Variants in TMEM132C observed in about 807,000 individuals in gnomAD.
TMEM132C encodes the protein protein phosphatase 1, regulatory subunit 152.
Under a neutral mutation model 61.4 loss-of-function variants are expected in TMEM132C, and 29 were observed. The ratio of observed to expected loss-of-function variants is 0.47; its 90% CI spans 0.35 to 0.64. The LOEUF is 0.64. TMEM132C is among the 30% of genes least tolerant of loss of function. TMEM132C has a pLI of 0.00. For synonymous variants in TMEM132C, 656 were observed against 633.1 expected (o/e 1.04, Z -0.54); for missense variants, 1,408 against 1,476.9 (o/e 0.95, Z 0.76).
At chr12:128,546,484 C>A (rs1290568443) in intron 3 of TMEM132C, among the ~76,000 whole-genome samples, 1 of 152,024 alleles carries the variant, frequency 6.6e-6, no homozygotes, top group Non-Finnish European at 1.5e-5. Flanking sequence ...CCTGTTTGTT[C>A]TGAGCTTCCA....
intron 1 of TMEM132C, among the ~76,000 whole-genome samples, chr12:128,410,058 C>T (rs538284427): frequency 3.3e-5 from 5 of 152,058 alleles, no homozygotes; most frequent in African/African-American, 1.2e-4. Context: ...TATCTTATTA[C>T]TATTTTTTCC....
At position 128,559,714 on chromosome 12, in the gene TMEM132C, C is replaced by G. The variant is rs191800720; in HGVS notation, c.1121+15611C>G. Among the ~76,000 whole-genome samples the G allele has an allele frequency of 2.2e-3, 329 of 152,286 alleles. 1 individual carries two copies. The highest frequency in any genetic ancestry group is 7.6e-3 in the African/African-American group (317 of 41,544). ...GATTTTTAGGATTTTGTGCCAGAGC[C>G]AGCCCCGTGACTCCTGGGAAGCTCT... is the stretch of plus-strand genomic sequence containing the variant. On this transcript the variant is annotated intron_variant, in intron 3 of 8. Coordinates refer to ENST00000435159, the MANE Select transcript of TMEM132C (RefSeq NM_001136103.3).
intron 3 of TMEM132C, among the ~76,000 whole-genome samples, chr12:128,555,847 T>G (rs1435773110): frequency 6.6e-6 from 1 of 152,108 alleles, no homozygotes; most frequent in Admixed American, 6.6e-5. Flanking sequence ...CTTGAGTGAC[T>G]GGGACTGCAT....
chr12:128,544,268 G>A (rs1873870314), intron 3 of TMEM132C, among the ~76,000 whole-genome samples, 165 bp downstream of exon 3: 1 of 152,250 alleles, frequency 6.6e-6, no homozygotes, highest in Admixed American at 6.5e-5. Context: ...AGGACCCTCT[G>A]CCTCTGCAGC....
intron 4 of TMEM132C, among the ~76,000 whole-genome samples, chr12:128,622,484 G>A (rs1316197068): frequency 2.7e-5 from 4 of 148,718 alleles, no homozygotes; most frequent in Non-Finnish European, 4.4e-5. Flanking sequence ...TCCTGTTGGG[G>A]TATCTTGACC....
intron 2 of TMEM132C, among the ~76,000 whole-genome samples, chr12:128,508,177 G>A (rs989358390): frequency 1.1e-4 from 16 of 152,158 alleles, no homozygotes; most frequent in African/African-American, 3.4e-4. Flanking sequence ...ATGGCAGAAG[G>A]CGATGAGGGA....
chr12:128,322,309 C>T (rs879920575), intron 1 of TMEM132C, among the ~76,000 whole-genome samples: 19 of 152,216 alleles, frequency 1.2e-4, no homozygotes, highest in African/African-American at 1.9e-4. Context: ...CTGAGCTTCT[C>T]CATGGTTCTA....
Position 128,705,836 on chromosome 12 carries a change from A to G in TMEM132C, c.2868A>G (p.Gln956=). The G allele has an allele frequency of 1.9e-6, 3 of 1,551,648 alleles. No individual in the cohort carries two copies. The highest frequency in any genetic ancestry group is 2.6e-6 in the Non-Finnish European group (3 of 1,147,034). Residue 956 remains glutamine (Q), a synonymous_variant, in exon 9 of 9, where the codon CAA becomes CAG. Coordinates refer to ENST00000435159, the MANE Select transcript of TMEM132C (RefSeq NM_001136103.3). ...TTGCCCTGAAGTACAGGCACAAGCA[A>G]GTGCCCCTGGAAGGTCAGGCCTCCA... The part of the protein sequence containing the change: ...ATFALKYRHK[Q]VPLEGQASMT...
At chr12:128,478,671 G>A (rs1211958804) in intron 2 of TMEM132C, among the ~76,000 whole-genome samples, 1 of 152,324 alleles carries the variant, frequency 6.6e-6, no homozygotes, top group Non-Finnish European at 1.5e-5. Flanking sequence ...CAAGTCCTCT[G>A]GCTTCAAGCA....
intron 4 of TMEM132C, among the ~76,000 whole-genome samples, chr12:128,639,245 A>G (rs542134381): frequency 8.7e-6 from 1 of 114,844 alleles, no homozygotes; most frequent in African/African-American, 4.2e-5. Context: ...GATGATGGTG[A>G]TAATGATGAT....
At chr12:128,292,378 A>G (rs1871270908) in intron 1 of TMEM132C, among the ~76,000 whole-genome samples, 1 of 152,104 alleles carries the variant, frequency 6.6e-6, no homozygotes, top group South Asian at 2.1e-4. Flanking sequence ...GTTTTTGACA[A>G]TCCCTGCCCA....
At chr12:128,625,905 A>G (rs768110526) in intron 4 of TMEM132C, among the ~76,000 whole-genome samples, 1 of 152,198 alleles carries the variant, frequency 6.6e-6, no homozygotes, top group South Asian at 2.1e-4. Context: ...ACCATTGTGA[A>G]CACAGGTCAT....
At chr12:128,689,729 C>A (rs1954704683) in intron 5 of TMEM132C, among the ~76,000 whole-genome samples, 1 of 152,174 alleles carries the variant, frequency 6.6e-6, no homozygotes, top group South Asian at 2.1e-4. Context: ...TAAATGATTA[C>A]CATCATGAGC....
intron 2 of TMEM132C, among the ~76,000 whole-genome samples, chr12:128,477,445 G>A (rs1464493457): frequency 1.3e-5 from 2 of 152,186 alleles, no homozygotes; most frequent in African/African-American, 4.8e-5. Flanking sequence ...GCCCAGAGAT[G>A]GGAAATTGGA....
intron 2 of TMEM132C, chr12:128,439,181 A>G (rs10773543): frequency 0.32 from 53,376 of 164,750 alleles, 9,089 homozygotes; most frequent in East Asian, 0.45. Context: ...CTGACAGCCA[A>G]TGGCAAGGAA....
At chr12:128,568,232 C>A (rs187048047) in intron 3 of TMEM132C, among the ~76,000 whole-genome samples, 1 of 152,178 alleles carries the variant, frequency 6.6e-6, no homozygotes, top group East Asian at 1.9e-4. Context: ...ACAGACCAAA[C>A]GCTTTTCATG....
intron 3 of TMEM132C, among the ~76,000 whole-genome samples, chr12:128,566,189 C>CAAAAAAAAAAAAAAAAAAAAAAAAAAAAA (rs59258589): frequency 7.4e-5 from 5 of 67,852 alleles, no homozygotes; most frequent in African/African-American, 2.0e-4. Context: ...CAAGCCTAAC[C>CAAAAAAAAAAAAAAAAAAAAAAAAAAAAA]AAAAAAAAAA....
rs181743825 is a variant in TMEM132C, at chr12:128,325,862, C to T, written c.85+58375C>T. ...GAGGATTTCAGTGACCTGAGGTCAT[C>T]GCAGTGCGGTTGTTGGACAGCTAGC... On this transcript the variant is annotated intron_variant, in intron 1 of 8. Coordinates refer to ENST00000435159, the MANE Select transcript of TMEM132C (RefSeq NM_001136103.3). Among the ~76,000 whole-genome samples, 456 of 152,146 alleles carry T rather than the reference C, an allele frequency of 3.0e-3. 3 individuals carry two copies. Among genetic ancestry groups the T allele is most frequent in the African/African-American group, 9.6e-3 (397 of 41,516 alleles).
intron 3 of TMEM132C, among the ~76,000 whole-genome samples, chr12:128,556,075 G>GA (rs1254392819): frequency 6.6e-6 from 1 of 152,184 alleles, no homozygotes; most frequent in East Asian, 1.9e-4. Flanking sequence ...TGGAGGCATT[G>GA]GGGTGGTGGG....
Sources: allele counts gnomAD v4.1 joint callset (sites outside exome capture counted in the v4.1 genomes callset), GRCh38; gene constraint gnomAD v4.1.1; transcripts MANE v1.5; gene names NCBI Gene and HGNC (gene_info 2026-07-23, HGNC 2026-07-21).